The following GRID2 variants were observed in gnomAD, a reference collection of about 807,000 sequenced individuals.
GRID2 encodes the protein glutamate receptor ionotropic, delta-2.
Under a neutral mutation model 114.8 loss-of-function variants are expected in GRID2, and 33 were observed. The observed-to-expected ratio is 0.29, with a 90% CI of 0.22 to 0.38. The LOEUF is 0.38. Ranked by LOEUF, GRID2 falls within the 10% of genes least tolerant of loss-of-function variation. The pLI is 1.00. For missense variants in GRID2, 1,184 were observed against 1,257.7 expected, an observed-to-expected ratio of 0.94 and a Z score of 0.89; for synonymous variants, 505 against 449.9, an observed-to-expected ratio of 1.12 and a Z score of -1.55.
chr4:93,613,699 C>A (rs1386772317), intron 13 of GRID2, among the ~76,000 whole-genome samples: 1 of 144,988 alleles, frequency 6.9e-6, no homozygotes, highest in East Asian at 2.0e-4. Flanking sequence ...GCTGGGAGAA[C>A]CACTGCTCTC....
chr4:93,163,073 A>G (rs1737838072), intron 4 of GRID2, among the ~76,000 whole-genome samples: 1 of 151,840 alleles, frequency 6.6e-6, no homozygotes. Context: ...AAAATCAAAA[A>G]TATTCCATGG....
At chr4:93,326,037 C>T (rs1174838632) in intron 8 of GRID2, among the ~76,000 whole-genome samples, 3 of 152,048 alleles carry the variant, frequency 2.0e-5, no homozygotes, top group South Asian at 2.1e-4. Flanking sequence ...ACAGATGTTG[C>T]GAAGTCCAGC....
At chr4:92,365,179 C>T (rs138763041) in intron 1 of GRID2, among the ~76,000 whole-genome samples, 2 of 152,146 alleles carry the variant, frequency 1.3e-5, no homozygotes, top group East Asian at 3.9e-4. Context: ...TATCTTCACT[C>T]CCATGTTCAT....
intron 1 of GRID2, among the ~76,000 whole-genome samples, chr4:92,338,680 T>C (rs533472992): frequency 3.5e-4 from 53 of 152,260 alleles, no homozygotes; most frequent in African/African-American, 1.2e-3. Flanking sequence ...CTTACGTCTA[T>C]GTTCCTAAAT....
chr4:92,679,676 T>C (rs1259804636), intron 2 of GRID2, among the ~76,000 whole-genome samples: 1 of 152,034 alleles, frequency 6.6e-6, no homozygotes, highest in Admixed American at 6.6e-5. Context: ...TTTTTCATTT[T>C]ATACTCAAAT....
chr4:93,385,731 CAAAAT>C lies in GRID2; in HGVS notation c.1246-9872_1246-9868del, dbSNP rs370837711. On this transcript the variant is annotated intron_variant, in intron 8 of 15. Coordinates refer to ENST00000282020, the MANE Select transcript of GRID2 (RefSeq NM_001510.4). ...TTCTGATAATATAAAAAAAAATTCA[CAAAAT>C]AAACCCAACCACTAATAAGCTGTGA... Among the ~76,000 whole-genome samples, 652 of 151,990 alleles carry C rather than the reference CAAAAT, an allele frequency of 4.3e-3. 13 individuals carry two copies. The highest frequency in any genetic ancestry group is 0.015 in the African/African-American group (617 of 41,456).
In GRID2 at chr4:92,709,592, AT is replaced by A. The variant is rs1553919242; in HGVS notation, c.244+119307del. On this transcript the variant is annotated intron_variant, in intron 2 of 15. Transcript: ENST00000282020. ...GTAGAGAAAAAAAAAAAAAAAAAATATATATATATATATATATGTAATTTGA... is the reference window on the plus strand; with the variant it reads ...GTAGAGAAAAAAAAAAAAAAAAAATAATATATATATATATATGTAATTTGA... Among the ~76,000 whole-genome samples the A allele has an allele frequency of 6.1e-3, 646 of 105,178 alleles. 6 individuals are homozygous for A. Among genetic ancestry groups the A allele is most frequent in the African/African-American group, 0.017 (494 of 28,638 alleles). 69.0% of individuals were successfully genotyped at this position (105,178 alleles called of 152,430 possible).
At chr4:92,572,128 A>G (rs1327534415) in intron 1 of GRID2, among the ~76,000 whole-genome samples, 3 of 152,160 alleles carry the variant, frequency 2.0e-5, no homozygotes, top group African/African-American at 7.2e-5. Context: ...AAATTGATAG[A>G]CTGCTAGCAA....
At chr4:92,767,475 C>T (rs1738321143) in intron 2 of GRID2, among the ~76,000 whole-genome samples, 1 of 152,070 alleles carries the variant, frequency 6.6e-6, no homozygotes, top group South Asian at 2.1e-4. Context: ...AATGATACTA[C>T]TTATAATGTT....
intron 2 of GRID2, among the ~76,000 whole-genome samples, chr4:92,653,038 G>A (rs113047148): frequency 0.016 from 2,215 of 141,710 alleles, 71 homozygotes; most frequent in African/African-American, 0.055. Context: ...CTAAGTTGGC[G>A]TCTCACTCTG....
At chr4:93,309,277 G>C (rs934810519) in intron 8 of GRID2, among the ~76,000 whole-genome samples, 1 of 152,152 alleles carries the variant, frequency 6.6e-6, no homozygotes, top group Non-Finnish European at 1.5e-5. Context: ...GCTCACACCT[G>C]TAATCCCAAC....
intron 2 of GRID2, among the ~76,000 whole-genome samples, chr4:93,070,653 C>A (rs918699611): frequency 6.6e-6 from 1 of 152,012 alleles, no homozygotes; most frequent in Non-Finnish European, 1.5e-5. Context: ...TTACCAAGGT[C>A]ATATGAGTTT....
At chr4:92,709,773 T>G (rs1301501921) in intron 2 of GRID2, among the ~76,000 whole-genome samples, 1 of 151,610 alleles carries the variant, frequency 6.6e-6, no homozygotes, top group Non-Finnish European at 1.5e-5. Flanking sequence ...CAGGTTAGAG[T>G]GAACCTGATC....
intron 2 of GRID2, among the ~76,000 whole-genome samples, chr4:92,817,841 T>C (rs567368069): frequency 6.6e-6 from 1 of 152,188 alleles, no homozygotes; most frequent in African/African-American, 2.4e-5. Flanking sequence ...CTTGCCAATT[T>C]TTTTACACAT....
chr4:92,417,074 A>T (rs1731653044), intron 1 of GRID2, among the ~76,000 whole-genome samples: 1 of 152,070 alleles, frequency 6.6e-6, no homozygotes, highest in Non-Finnish European at 1.5e-5. Context: ...GACTTCTTTC[A>T]TCAGTGTTTT....
At chr4:93,178,578 G>T (rs1447515302) in intron 4 of GRID2, among the ~76,000 whole-genome samples, 2 of 151,106 alleles carry the variant, frequency 1.3e-5, no homozygotes, top group Non-Finnish European at 3.0e-5. Flanking sequence ...TGCAGAGAGA[G>T]GATCTCTCTA....
intron 2 of GRID2, among the ~76,000 whole-genome samples, chr4:92,861,701 A>G (rs113159509): frequency 6.6e-6 from 1 of 152,100 alleles, no homozygotes; most frequent in African/African-American, 2.4e-5. Context: ...TAGATGTTCA[A>G]TAAATATGTG....
intron 2 of GRID2, among the ~76,000 whole-genome samples, chr4:93,075,978 A>G (rs1729251979): frequency 1.5e-5 from 2 of 134,374 alleles, no homozygotes; most frequent in Non-Finnish European, 3.0e-5. Context: ...ATCTCGGCTC[A>G]CTGCAAGCTC....
chr4:92,807,824 CGTAT>C (rs1298022350), intron 2 of GRID2, among the ~76,000 whole-genome samples: 1 of 151,746 alleles, frequency 6.6e-6, no homozygotes, highest in Non-Finnish European at 1.5e-5. Context: ...TGCATGTGTG[CGTAT>C]GTGTCTGTCT....
Sources: gnomAD v4.1 joint callset for allele counts (sites outside exome capture counted in the v4.1 genomes callset) on GRCh38, gnomAD v4.1.1 for gene constraint, MANE v1.5 for transcripts, NCBI Gene and HGNC (gene_info 2026-07-23, HGNC 2026-07-21) for gene names.